RSBN1L: variants seen among roughly 807,000 people sequenced by gnomAD.
The protein encoded by RSBN1L is lysine-specific demethylase RSBN1L.
A neutral mutation model predicts 67.7 loss-of-function variants in RSBN1L; 30 were observed. The ratio of observed to expected loss-of-function variants is 0.44; its 90% CI spans 0.33 to 0.60. RSBN1L has a LOEUF of 0.60. Among genes scored for constraint, RSBN1L ranks in the 20% least tolerant of loss-of-function variants. The pLI, the probability that RSBN1L is intolerant of heterozygous loss-of-function variation, is 0.02. For synonymous variants in RSBN1L, 433 were observed against 387.0 expected, an observed-to-expected ratio of 1.12 and a Z score of -1.39; for missense variants, 992 against 1,031.7, an observed-to-expected ratio of 0.96 and a Z score of 0.53.
At chr7:77,718,672 A>G (rs1316356183) in intron 1 of RSBN1L, among the ~76,000 whole-genome samples, 1 of 152,232 alleles carries the variant, frequency 6.6e-6, no homozygotes, top group Non-Finnish European at 1.5e-5. Context: ...TAAACAAAAC[A>G]ACTTTTTCAT....
chr7:77,771,949 G>A (rs1791855774), intron 5 of RSBN1L, among the ~76,000 whole-genome samples: 1 of 152,008 alleles, frequency 6.6e-6, no homozygotes, highest in Non-Finnish European at 1.5e-5. Context: ...CTACCTTGAG[G>A]AACTTCCATT....
intron 2 of RSBN1L, among the ~76,000 whole-genome samples, chr7:77,744,236 A>T (rs916021866): frequency 6.6e-6 from 1 of 151,718 alleles, no homozygotes; most frequent in African/African-American, 2.4e-5. Context: ...GGGTCTCACC[A>T]TGTTGCCTAC....
intron 1 of RSBN1L, among the ~76,000 whole-genome samples, chr7:77,700,643 A>G (rs987104119): frequency 3.9e-5 from 6 of 152,236 alleles, no homozygotes; most frequent in Non-Finnish European, 8.8e-5. Context: ...AGTTTTTATC[A>G]TATGACTAAA....
At chr7:77,725,624 C>A (rs966482071) in intron 1 of RSBN1L, among the ~76,000 whole-genome samples, 1 of 151,348 alleles carries the variant, frequency 6.6e-6, no homozygotes, top group South Asian at 2.1e-4. Flanking sequence ...GAGATTATAT[C>A]GTTTACTATT....
At position 77,773,333 on chromosome 7, in the gene RSBN1L, ATT is replaced by A; in HGVS notation, c.1793+22_1793+23del. 4 of 1,416,090 alleles carry A rather than the reference ATT, an allele frequency of 2.8e-6. No homozygotes were observed. Among genetic ancestry groups the A allele is most frequent in the Non-Finnish European group, 3.7e-6 (4 of 1,070,208 alleles). 87.7% of individuals were successfully genotyped at this position (1,416,090 alleles called of 1,614,324 possible). On this transcript the variant is annotated intron_variant, in intron 6 of 7. Transcript: ENST00000334955. ...GAGAGTGGTATATATAACTACCGCT[ATT>A]TTAATGAAAGAATTTCTTGGCTTCT...
rs1312645808 is a variant in RSBN1L, at chr7:77,779,250, C to T, written c.*82C>T. 4 of 963,382 alleles carry T rather than the reference C, an allele frequency of 4.2e-6. No homozygotes were observed. Among genetic ancestry groups the T allele is most frequent in the Non-Finnish European group, 6.1e-6 (4 of 652,978 alleles). 59.7% of individuals were successfully genotyped at this position (963,382 alleles called of 1,614,324 possible). ...ATGAATTCTGAAAGCAAGCCAAGGA[C>T]TTGCTCCTATGTCTGTTACAAAACA... On this transcript the variant is annotated 3_prime_UTR_variant, in exon 8 of 8. Coordinates refer to ENST00000334955, the MANE Select transcript of RSBN1L (RefSeq NM_198467.3).
At chr7:77,707,373 C>G (rs1045937771) in intron 1 of RSBN1L, among the ~76,000 whole-genome samples, 3 of 152,080 alleles carry the variant, frequency 2.0e-5, no homozygotes, top group African/African-American at 7.2e-5. Context: ...TTTTAGTGAT[C>G]ATTTATGACC....
intron 1 of RSBN1L, among the ~76,000 whole-genome samples, chr7:77,726,755 G>A (rs566346657): frequency 4.7e-5 from 7 of 149,268 alleles, no homozygotes; most frequent in South Asian, 2.1e-4. Context: ...GACTACAGGC[G>A]CGTGCCACCA....
At chr7:77,742,302 G>A (rs1230775598) in intron 2 of RSBN1L, among the ~76,000 whole-genome samples, 2 of 151,814 alleles carry the variant, frequency 1.3e-5, no homozygotes, top group African/African-American at 2.4e-5. Context: ...AGCACTTGGT[G>A]CAATTTCTGA....
At chr7:77,700,944 C>G (rs1378144214) in intron 1 of RSBN1L, among the ~76,000 whole-genome samples, 1 of 151,990 alleles carries the variant, frequency 6.6e-6, no homozygotes, top group Non-Finnish European at 1.5e-5. Context: ...ATCGCCTGAG[C>G]TCAGGAGTTC....
At chr7:77,766,119 A>G (rs1170929510) in intron 4 of RSBN1L, among the ~76,000 whole-genome samples, 1 of 152,216 alleles carries the variant, frequency 6.6e-6, no homozygotes, top group Non-Finnish European at 1.5e-5. Flanking sequence ...GGGTTGGGCA[A>G]GCCCTTTAAA....
intron 1 of RSBN1L, among the ~76,000 whole-genome samples, chr7:77,712,588 A>AT (rs1351375509): frequency 6.6e-5 from 10 of 152,124 alleles, no homozygotes; most frequent in Admixed American, 6.6e-4. Flanking sequence ...CACATATGTG[A>AT]TTTTTTAATG....
Position 77,779,151 on chromosome 7 carries a change from G to A in RSBN1L, c.2524G>A (p.Asp842Asn), listed in dbSNP as rs201747742. The A allele has an allele frequency of 2.2e-4, 349 of 1,580,462 alleles. 1 individual carries two copies. The African/African-American group carries it at 4.4e-3, about 20-fold the overall frequency. The change falls in exon 8 of 8, where the codon GAT becomes AAT. Residue 842 changes from aspartate (D) to asparagine (N), a missense_variant. Asp to Asn is a conservative substitution (Grantham distance 23). Transcript: ENST00000334955. ...ACATTCAAATCAAGATAAAAAAGAC[G>A]ATGACATTTTGTGCTAAATTTGCAT... ...SAHSNQDKKD[D>N]DILC
chr7:77,712,585 G>A (rs181696323), intron 1 of RSBN1L, among the ~76,000 whole-genome samples: 1 of 152,252 alleles, frequency 6.6e-6, no homozygotes, highest in Non-Finnish European at 1.5e-5. Context: ...GGCCACATAT[G>A]TGATTTTTTA....
intron 5 of RSBN1L, among the ~76,000 whole-genome samples, chr7:77,770,422 G>A (rs1215580687): frequency 2.0e-5 from 3 of 151,984 alleles, no homozygotes; most frequent in Non-Finnish European, 4.4e-5. Context: ...GCTCTTTCAT[G>A]TAATCCTAGC....
At position 77,714,691 on chromosome 7, in the gene RSBN1L, G is replaced by C. The variant is rs577588891; in HGVS notation, c.586+17636G>C. Among the ~76,000 whole-genome samples, 7 of 152,190 alleles carry C rather than the reference G, an allele frequency of 4.6e-5. No individual in the cohort carries two copies. The East Asian group carries it at 1.4e-3, about 29-fold the overall frequency. ...AATCTTGTAGTGGGTGGCCGGGCACGGTGGCTCACACCTGTAATCCCAGCA... is the reference window on the plus strand; with the variant it reads ...AATCTTGTAGTGGGTGGCCGGGCACCGTGGCTCACACCTGTAATCCCAGCA... On this transcript the variant is annotated intron_variant, in intron 1 of 7. Coordinates refer to ENST00000334955, the MANE Select transcript of RSBN1L (RefSeq NM_198467.3).
rs1562812548 is a variant in RSBN1L, at chr7:77,778,765, A to C, written c.2138A>C (p.Asp713Ala). 1 of 1,614,172 alleles carries C rather than the reference A, an allele frequency of 6.2e-7. No individual in the cohort carries two copies. The highest frequency in any genetic ancestry group is 1.1e-5 in the South Asian group (1 of 91,080). ...ACTCATGAAACAGGCACATCATCAG[A>C]TTCCACATCATCTGTTCTTGGACCT... is the stretch of plus-strand genomic sequence containing the variant. ...TATHETGTSS[D>A]STSSVLGPHT... The change falls in exon 8 of 8, where the codon GAT becomes GCT. Residue 713 changes from aspartate (D) to alanine (A), a missense_variant. Coordinates refer to ENST00000334955, the MANE Select transcript of RSBN1L (RefSeq NM_198467.3).
At chr7:77,773,426 C>A in intron 6 of RSBN1L, 112 bp downstream of exon 6, 1 of 699,078 alleles carries the variant, frequency 1.4e-6, no homozygotes, top group East Asian at 2.9e-5. Flanking sequence ...ATTTTTTACC[C>A]GTATTTGGAT....
intron 2 of RSBN1L, among the ~76,000 whole-genome samples, chr7:77,743,159 TC>T (rs1242402913): frequency 6.6e-6 from 1 of 152,128 alleles, no homozygotes; most frequent in African/African-American, 2.4e-5. Flanking sequence ...GCTCAGGTGA[TC>T]CTTCTGCCTC....
Sources: allele counts gnomAD v4.1 joint callset (sites outside exome capture counted in the v4.1 genomes callset), GRCh38; gene constraint gnomAD v4.1.1; transcripts MANE v1.5; gene names NCBI Gene and HGNC (gene_info 2026-07-23, HGNC 2026-07-21).